Variants in DPP6 observed in about 807,000 individuals in gnomAD.
The protein encoded by DPP6 is dipeptidyl peptidase like 6, also known as A-type potassium channel modulatory protein DPP6.
A neutral mutation model predicts 122.6 loss-of-function variants in DPP6; 69 were observed. That is an observed-to-expected ratio of 0.56 (90% CI 0.46 to 0.69). The LOEUF is 0.69. DPP6 is among the 30% of genes least tolerant of loss of function. DPP6 has a pLI of 0.00. For missense variants in DPP6, 928 were observed against 1,116.9 expected, an observed-to-expected ratio of 0.83 and a Z score of 2.41; for synonymous variants, 418 against 433.1, an observed-to-expected ratio of 0.97 and a Z score of 0.43.
chr7:154,801,084 C>T (rs951450773), intron 12 of DPP6, among the ~76,000 whole-genome samples: 7 of 151,944 alleles, frequency 4.6e-5, no homozygotes, highest in African/African-American at 1.2e-4. Context: ...GGCTTTGTCT[C>T]GGTGCTGTGT....
chr7:154,229,133 C>T (rs1203050410), intron 1 of DPP6, among the ~76,000 whole-genome samples: 1 of 152,048 alleles, frequency 6.6e-6, no homozygotes, highest in Non-Finnish European at 1.5e-5. Flanking sequence ...AGTTATTTGG[C>T]CCTCCAGAAA....
chr7:154,229,172 C>T (rs1220033197), intron 1 of DPP6, among the ~76,000 whole-genome samples: 1 of 152,114 alleles, frequency 6.6e-6, no homozygotes, highest in Non-Finnish European at 1.5e-5. Context: ...TTGAGCATCC[C>T]AAAAAACTTG....
intron 1 of DPP6, among the ~76,000 whole-genome samples, chr7:154,021,258 T>C (rs1309706700): frequency 2.6e-5 from 4 of 152,128 alleles, no homozygotes; most frequent in South Asian, 2.1e-4. Context: ...GCGAGACTGA[T>C]TGGGCTGTCA....
chr7:154,156,258 G>A (rs1399260830), intron 1 of DPP6, among the ~76,000 whole-genome samples: 1 of 152,276 alleles, frequency 6.6e-6, no homozygotes, highest in Non-Finnish European at 1.5e-5. Flanking sequence ...TCTTTGGCAG[G>A]ATGCTGTGAG....
At chr7:154,203,816 ACC>A (rs1165445115) in intron 1 of DPP6, among the ~76,000 whole-genome samples, 1 of 152,092 alleles carries the variant, frequency 6.6e-6, no homozygotes, top group Non-Finnish European at 1.5e-5. Flanking sequence ...CACACCTGTA[ACC>A]CCGTTTCCCT....
intron 1 of DPP6, among the ~76,000 whole-genome samples, chr7:154,134,481 T>C (rs1375776426): frequency 6.6e-6 from 1 of 152,142 alleles, no homozygotes; most frequent in South Asian, 2.1e-4. Flanking sequence ...TGCTCCTTCC[T>C]GTAGGGTCTT....
At chr7:154,713,317 A>T (rs969619068) in intron 7 of DPP6, among the ~76,000 whole-genome samples, 1 of 152,190 alleles carries the variant, frequency 6.6e-6, no homozygotes, top group Non-Finnish European at 1.5e-5. Context: ...CCATTCTGGG[A>T]TCTGAAGGAT....
At chr7:154,662,075 A>G (rs370193818) in intron 6 of DPP6, among the ~76,000 whole-genome samples, 46 of 127,344 alleles carry the variant, frequency 3.6e-4, no homozygotes, top group African/African-American at 1.2e-3. Context: ...CGTATTGGCC[A>G]TAGTGTTCAT....
intron 1 of DPP6, among the ~76,000 whole-genome samples, chr7:154,407,958 C>T (rs1227466179): frequency 6.6e-6 from 1 of 152,220 alleles, no homozygotes; most frequent in Non-Finnish European, 1.5e-5. Flanking sequence ...ACTTTGGGAA[C>T]AGTAATGATA....
chr7:154,803,063 T>C (rs924787376), intron 13 of DPP6, among the ~76,000 whole-genome samples: 5 of 151,772 alleles, frequency 3.3e-5, no homozygotes, highest in African/African-American at 1.2e-4. Context: ...CTCCCCAGCC[T>C]CTCCTACACG....
At chr7:153,807,751 G>T in the DPP6 span, among the ~76,000 whole-genome samples, 22 of 151,966 alleles carry the variant, frequency 1.4e-4, no homozygotes, top group Middle Eastern at 3.4e-3. Flanking sequence ...AGACAGAGAC[G>T]TTGTCCGCCA....
rs189139208 is a variant in DPP6 at position 153,941,031 on chromosome 7, C to T, written c.51+53297C>T. ...CTTCAATAGATCAGGAAACTAACCG[C>T]GGACAGAATCAGTTCTACACTGATT... On this transcript the variant is annotated intron_variant, in intron 1 of 25. Transcript: ENST00000404039. Among the ~76,000 whole-genome samples, 38 of 151,962 alleles carry T rather than the reference C, an allele frequency of 2.5e-4. 1 individual carries two copies. The East Asian group carries it at 2.7e-3, about 11-fold the overall frequency.
chr7:154,758,583 G>A (rs762552391), intron 8 of DPP6, among the ~76,000 whole-genome samples: 7 of 152,050 alleles, frequency 4.6e-5, no homozygotes, highest in Admixed American at 2.0e-4. Flanking sequence ...TGTTGACCAG[G>A]CTGGTCTCAA....
chr7:154,592,952 A>G (rs1832890563), intron 5 of DPP6, among the ~76,000 whole-genome samples: 1 of 152,166 alleles, frequency 6.6e-6, no homozygotes, highest in Non-Finnish European at 1.5e-5. Flanking sequence ...AGGCTGTTGA[A>G]GAAACAGCAG....
At chr7:153,761,844 A>G in the DPP6 span, among the ~76,000 whole-genome samples, 1 of 152,182 alleles carries the variant, frequency 6.6e-6, no homozygotes, top group Non-Finnish European at 1.5e-5. Context: ...CTAAGAAACT[A>G]TTATTTTTAT....
chr7:154,737,379 A>C (rs1025104352), intron 8 of DPP6, among the ~76,000 whole-genome samples: 1 of 152,196 alleles, frequency 6.6e-6, no homozygotes, highest in East Asian at 1.9e-4. Context: ...ATCCTCCGGG[A>C]TACTTTAAAT....
At chr7:153,820,202 G>A in the DPP6 span, among the ~76,000 whole-genome samples, 1 of 152,174 alleles carries the variant, frequency 6.6e-6, no homozygotes, top group Non-Finnish European at 1.5e-5. Flanking sequence ...AAGAGGCATG[G>A]TAGGTTTTCT....
the DPP6 span, among the ~76,000 whole-genome samples, chr7:153,834,796 GA>G: frequency 6.6e-6 from 1 of 152,066 alleles, no homozygotes; most frequent in Non-Finnish European, 1.5e-5. Flanking sequence ...TTCATATAGA[GA>G]AACAACGTGG....
intron 1 of DPP6, among the ~76,000 whole-genome samples, chr7:153,896,939 TAA>T (rs1401659194): frequency 6.6e-6 from 1 of 152,240 alleles, no homozygotes; most frequent in African/African-American, 2.4e-5. Context: ...AAACTTTTTA[TAA>T]GAGGGTTCTG....
Sources: gnomAD v4.1 joint callset for allele counts (sites outside exome capture counted in the v4.1 genomes callset) on GRCh38, gnomAD v4.1.1 for gene constraint, MANE v1.5 for transcripts, NCBI Gene and HGNC (gene_info 2026-07-23, HGNC 2026-07-21) for gene names.